Variants in ENAH observed in about 807,000 individuals in gnomAD.
The protein encoded by ENAH is protein enabled homolog.
A neutral mutation model predicts 78.7 loss-of-function variants in ENAH; 23 were observed. The ratio of observed to expected loss-of-function variants is 0.29; its 90% CI spans 0.21 to 0.41. ENAH has a LOEUF of 0.41. Among genes scored for constraint, ENAH ranks in the 10% least tolerant of loss-of-function variants. The pLI is 1.00. For synonymous variants in ENAH, 226 were observed against 241.0 expected, an observed-to-expected ratio of 0.94 and a Z score of 0.58; for missense variants, 544 against 691.0, an observed-to-expected ratio of 0.79 and a Z score of 2.39.
intron 3 of ENAH, among the ~76,000 whole-genome samples, chr1:225,534,937 TGA>T (rs1419530525): frequency 1.3e-5 from 2 of 151,980 alleles, no homozygotes; most frequent in African/African-American, 2.4e-5. Context: ...TATATGAGAG[TGA>T]GAGTGAAAGA....
rs1392362953 is a variant in ENAH, at chr1:225,497,028, A to T, written c.*747T>A. The T allele has an allele frequency of 6.5e-6, 1 of 152,698 alleles. No individual in the cohort carries two copies. The highest frequency in any genetic ancestry group is 2.4e-5 in the African/African-American group (1 of 41,474). 9.5% of individuals were successfully genotyped at this position (152,698 alleles called of 1,614,324 possible). Reference sequence around the variant, plus strand: ...TTACATTTGACCACTGGTTTGTGTTATGTAGAAGTCATAGATTTGGTAAAG... The same window carrying T: ...TTACATTTGACCACTGGTTTGTGTTTTGTAGAAGTCATAGATTTGGTAAAG... On this transcript the variant is annotated 3_prime_UTR_variant, in exon 14 of 14. Transcript: ENST00000366843.
rs1055762683 is a variant in ENAH at position 225,557,013 on chromosome 1, A to G, written c.172-1930T>C. ...TACAGATCAATATGCCTTTTTGCCA[A>G]CTCTACAATGTCTTAACTGTTGTAG... is the stretch of plus-strand genomic sequence containing the variant. On this transcript the variant is annotated intron_variant, in intron 2 of 13. Transcript: ENST00000366843. 4.6e-5 allele frequency among the ~76,000 whole-genome samples: 7 copies of G among 152,124 alleles called. No individual in the cohort carries two copies. The East Asian group carries it at 1.2e-3, about 25-fold the overall frequency.
chr1:225,517,955 G>A (rs1205792447), intron 5 of ENAH: 3 of 1,547,300 alleles, frequency 1.9e-6, no homozygotes, highest in Middle Eastern at 1.7e-4. Flanking sequence ...TACTCAGGAA[G>A]TGGAGCGTTA....
At chr1:225,537,485 T>G (rs1005781512) in intron 3 of ENAH, among the ~76,000 whole-genome samples, 15 of 152,226 alleles carry the variant, frequency 9.9e-5, no homozygotes, top group Admixed American at 9.8e-4. Context: ...GCTAAATTAT[T>G]CATGCCATCA....
At position 225,505,889 on chromosome 1, in the gene ENAH, G is replaced by A. The variant is rs181880086; in HGVS notation, c.1538+2062C>T. Among the ~76,000 whole-genome samples the A allele has an allele frequency of 4.8e-3, 727 of 152,154 alleles. 5 individuals carry two copies. The highest frequency in any genetic ancestry group is 0.027 in the Middle Eastern group (8 of 294). On this transcript the variant is annotated intron_variant, in intron 11 of 13. Coordinates refer to ENST00000366843, the MANE Select transcript of ENAH (RefSeq NM_018212.6). Reference sequence around the variant, plus strand: ...AACAGAATTGGAACATGATTATGGTGCACTACTGGATATTAAGAATCAAGA... The same window carrying A: ...AACAGAATTGGAACATGATTATGGTACACTACTGGATATTAAGAATCAAGA...
intron 1 of ENAH, among the ~76,000 whole-genome samples, chr1:225,644,131 CATTAAAAT>C (rs907380006): frequency 7.2e-4 from 110 of 151,950 alleles, no homozygotes; most frequent in African/African-American, 2.7e-3. Context: ...GAAATCTACA[CATTAAAAT>C]ATTAAAATAC....
intron 1 of ENAH, among the ~76,000 whole-genome samples, chr1:225,642,348 G>T (rs574929060): frequency 6.6e-6 from 1 of 152,100 alleles, no homozygotes; most frequent in Non-Finnish European, 1.5e-5. Flanking sequence ...TTTGGCCAAA[G>T]AAACATAAGC....
chr1:225,501,768 G>A (rs1018137685), intron 11 of ENAH, among the ~76,000 whole-genome samples: 2 of 152,184 alleles, frequency 1.3e-5, no homozygotes, highest in African/African-American at 4.8e-5. Context: ...AAAAGGATAT[G>A]CCAGACAGAA....
At chr1:225,617,180 C>G (rs544070585) in intron 1 of ENAH, among the ~76,000 whole-genome samples, 2 of 152,048 alleles carry the variant, frequency 1.3e-5, no homozygotes, top group Admixed American at 1.3e-4. Flanking sequence ...TTATCAGACA[C>G]GAAAAAGAAA....
chr1:225,587,680 G>A (rs1186620043), intron 1 of ENAH, among the ~76,000 whole-genome samples: 1 of 152,012 alleles, frequency 6.6e-6, no homozygotes, highest in Non-Finnish European at 1.5e-5. Flanking sequence ...GAAATTCAAA[G>A]AGCACAGAAT....
chr1:225,593,580 A>G (rs1203275760), intron 1 of ENAH, among the ~76,000 whole-genome samples: 2 of 152,160 alleles, frequency 1.3e-5, no homozygotes, highest in Non-Finnish European at 2.9e-5. Flanking sequence ...CAGAACAAAT[A>G]TGATGAAAGC....
intron 5 of ENAH, chr1:225,517,797 C>T (rs187063064): frequency 7.6e-5 from 118 of 1,551,168 alleles, no homozygotes; most frequent in Non-Finnish European, 9.7e-5. Context: ...CAAAACGTGT[C>T]GCTGAGTGTC....
chr1:225,521,689 T>C (rs987676832), intron 4 of ENAH, among the ~76,000 whole-genome samples: 7 of 151,548 alleles, frequency 4.6e-5, no homozygotes, highest in Non-Finnish European at 1.0e-4. Context: ...ACGTATTTCA[T>C]AGCACTGTGG....
chr1:225,605,625 G>A (rs2096952274), intron 1 of ENAH, among the ~76,000 whole-genome samples: 1 of 152,146 alleles, frequency 6.6e-6, no homozygotes, highest in South Asian at 2.1e-4. Flanking sequence ...TATGTGCTGA[G>A]CTGTGCCCCT....
At chr1:225,620,445 C>T (rs1189155470) in intron 1 of ENAH, among the ~76,000 whole-genome samples, 1 of 151,772 alleles carries the variant, frequency 6.6e-6, no homozygotes, top group Non-Finnish European at 1.5e-5. Flanking sequence ...AAAGAAAAAT[C>T]GCTTGTACCC....
At chr1:225,642,903 A>G (rs1661335102) in intron 1 of ENAH, among the ~76,000 whole-genome samples, 1 of 152,228 alleles carries the variant, frequency 6.6e-6, no homozygotes, top group African/African-American at 2.4e-5. Context: ...AACACCTTTT[A>G]CCTATCACAT....
chr1:225,631,483 A>G (rs995353303), intron 1 of ENAH, among the ~76,000 whole-genome samples: 1 of 151,660 alleles, frequency 6.6e-6, no homozygotes, highest in Non-Finnish European at 1.5e-5. Context: ...CTGAGGCAAG[A>G]GAATCACTTG....
rs569470596 is a variant in ENAH at position 225,628,546 on chromosome 1, C to CA, written c.5+24139dup. Among the ~76,000 whole-genome samples, 465 of 152,036 alleles carry CA rather than the reference C, an allele frequency of 3.1e-3. 7 individuals carry two copies. The highest frequency in any genetic ancestry group is 0.02 in the East Asian group (102 of 5,176). On this transcript the variant is annotated intron_variant, in intron 1 of 13. Coordinates refer to ENST00000366843, the MANE Select transcript of ENAH (RefSeq NM_018212.6). ...TGCAAAACATATCAAATGAACAAGG[C>CA]AAAAAATGTATCAAGTATAATCACA...
At chr1:225,575,638 A>C (rs2096784391) in intron 1 of ENAH, among the ~76,000 whole-genome samples, 1 of 152,114 alleles carries the variant, frequency 6.6e-6, no homozygotes, top group South Asian at 2.1e-4. Flanking sequence ...ATCTTCCCAG[A>C]TACCTTCTAA....
Sources: gnomAD v4.1 joint callset for allele counts (sites outside exome capture counted in the v4.1 genomes callset) on GRCh38, gnomAD v4.1.1 for gene constraint, MANE v1.5 for transcripts, NCBI Gene and HGNC (gene_info 2026-07-23, HGNC 2026-07-21) for gene names.